Variants in NDRG1 observed in about 807,000 individuals in gnomAD.
NDRG1 encodes protein NDRG1.
In NDRG1, 32 loss-of-function variants were observed where a neutral mutation model predicts 56.9. That is an observed-to-expected ratio of 0.56 (90% CI 0.42 to 0.76). The LOEUF (loss-of-function observed/expected upper bound fraction) is 0.76, where lower values mean the gene tolerates loss of function less well. Ranked by LOEUF, NDRG1 falls within the 30% of genes least tolerant of loss-of-function variation. NDRG1 has a pLI of 0.00. For synonymous variants in NDRG1, 211 were observed against 204.1 expected (o/e 1.03, Z -0.29); for missense variants, 507 against 545.7 (o/e 0.93, Z 0.71).
rs566701931 is a variant in NDRG1 at position 133,273,317 on chromosome 8, G to A, written c.99+6915C>T. On this transcript the variant is annotated intron_variant, in intron 3 of 15. Transcript: ENST00000323851. ...CTCGGCCCACGAGGTACAATTTATC[G>A]GTGATGAAGTCAACTCTGCTGTCCC... 5.3e-5 allele frequency among the ~76,000 whole-genome samples: 8 copies of A among 152,312 alleles called. No individual in the cohort carries two copies. In the East Asian group the frequency reaches 9.6e-4, roughly 18 times the overall value.
At chr8:133,263,293 C>A (rs1273124743) in intron 4 of NDRG1, among the ~76,000 whole-genome samples, 1 of 152,178 alleles carries the variant, frequency 6.6e-6, no homozygotes, top group African/African-American at 2.4e-5. Context: ...CATCCCCAGC[C>A]TCAAGGTATT....
Position 133,256,764 on chromosome 8 carries a change from GC to G in NDRG1, c.537+12del. 11 of 1,613,782 alleles carry G rather than the reference GC, an allele frequency of 6.8e-6. No individual in the cohort carries two copies. The highest frequency in any genetic ancestry group is 9.3e-6 in the Non-Finnish European group (11 of 1,179,854). The stretch of plus-strand genomic sequence containing the variant: ...TGCAGGGATCCCGCCGGCCTGACAG[GC>G]CCCCACCTCACCTTGGAGGCGGCCC... On this transcript the variant is annotated intron_variant, in intron 8 of 15. Transcript: ENST00000323851.
chr8:133,279,660 C>G (rs60279367), intron 3 of NDRG1, among the ~76,000 whole-genome samples: 1 of 152,166 alleles, frequency 6.6e-6, no homozygotes, highest in African/African-American at 2.4e-5. Flanking sequence ...GGGACCCACC[C>G]CAGCTTGGGG....
chr8:133,239,312 G>GCAGTTCCTTCCCGCATCT, intron 15 of NDRG1, 193 bp from the exon 16 acceptor site: 2 of 886,332 alleles, frequency 2.3e-6, no homozygotes, highest in Non-Finnish European at 1.7e-6. Flanking sequence ...CCCAGATGCG[G>GCAGTTCCTTCCCGCATCT]GAAGGAACTG....
intron 3 of NDRG1, among the ~76,000 whole-genome samples, chr8:133,276,260 TTGCC>T (rs1395944240): frequency 6.6e-6 from 1 of 152,210 alleles, no homozygotes; most frequent in Non-Finnish European, 1.5e-5. Flanking sequence ...AGTAGGTCAG[TTGCC>T]TGTGTCCTGA....
rs6980901 is a variant in NDRG1, at chr8:133,279,998, C to T, written c.99+234G>A. 0.28 allele frequency among the ~76,000 whole-genome samples: 42,863 copies of T among 152,068 alleles called. 6,915 individuals carry two copies. Among genetic ancestry groups the T allele is most frequent in the African/African-American group, 0.41 (17,112 of 41,428 alleles). ...GCCAGCTCTTTGGGACTGAAACAGG[C>T]GGTGTCTCTGTCCTGCTTTCGTGGG... On this transcript the variant is annotated intron_variant, in intron 3 of 15. Coordinates refer to ENST00000323851, the MANE Select transcript of NDRG1 (RefSeq NM_006096.4).
chr8:133,294,660 G>A (rs1054305133), intron 1 of NDRG1, among the ~76,000 whole-genome samples: 2 of 133,988 alleles, frequency 1.5e-5, no homozygotes, highest in Admixed American at 7.0e-5. Flanking sequence ...GTTGAGATCT[G>A]TCTTCTGTCA....
Position 133,242,006 on chromosome 8 carries a change from G to C in NDRG1, c.943+17C>G. On this transcript the variant is annotated intron_variant, in intron 15 of 15. Transcript: ENST00000323851. ...CACATGCCCCGACCCACTGCACACG[G>C]GGAATGCCATACTCACTGTATCCCA... 6.2e-7 allele frequency: 1 copy of C among 1,614,152 alleles called. No homozygotes were observed. The highest frequency in any genetic ancestry group is 1.1e-5 in the South Asian group (1 of 91,076).
At chr8:133,256,230 T>G (rs1856362903) in intron 8 of NDRG1, 1 of 157,318 alleles carries the variant, frequency 6.4e-6, no homozygotes, top group Non-Finnish European at 1.4e-5. Context: ...CTATGAAGAT[T>G]AACTGAGATC....
intron 9 of NDRG1, among the ~76,000 whole-genome samples, chr8:133,251,963 A>G (rs1309347479): frequency 1.3e-5 from 2 of 152,212 alleles, no homozygotes; most frequent in African/African-American, 4.8e-5. Flanking sequence ...TAGCCAAGGA[A>G]TGCCGACAGC....
At chr8:133,245,747 T>C (rs1187096871) in intron 13 of NDRG1, among the ~76,000 whole-genome samples, 1 of 152,194 alleles carries the variant, frequency 6.6e-6, no homozygotes, top group African/African-American at 2.4e-5. Context: ...GTGATACTTG[T>C]GACAACCGCC....
intron 1 of NDRG1, chr8:133,284,823 G>A (rs570236343): frequency 2.4e-5 from 11 of 456,828 alleles, no homozygotes; most frequent in East Asian, 6.9e-5. Flanking sequence ...TGATGCAGAC[G>A]CACAGACACA....
At position 133,257,316 on chromosome 8, in the gene NDRG1, C is replaced by CACACACACAG. The variant is rs756183850; in HGVS notation, c.451-454_451-453insCTGTGTGTGT. Among the ~76,000 whole-genome samples, 1,055 of 129,676 alleles carry CACACACACAG rather than the reference C, an allele frequency of 8.1e-3. 10 individuals are homozygous for CACACACACAG. The highest frequency in any genetic ancestry group is 0.015 in the African/African-American group (562 of 36,534). 85.1% of individuals were successfully genotyped at this position (129,676 alleles called of 152,430 possible). On this transcript the variant is annotated intron_variant, in intron 7 of 15. Coordinates refer to ENST00000323851, the MANE Select transcript of NDRG1 (RefSeq NM_006096.4). ...ACACACACACACACACACACACACA[C>CACACACACAG]AGAGAGAGAGACAGAGTTATGCATC...
At chr8:133,264,492 T>C (rs960886100) in intron 4 of NDRG1, 55 bp downstream of exon 4, 188 of 1,550,568 alleles carry the variant, frequency 1.2e-4, no homozygotes, top group Non-Finnish European at 1.6e-4. Flanking sequence ...GCTGCCTTTT[T>C]CCGCCACTCT....
intron 3 of NDRG1, among the ~76,000 whole-genome samples, chr8:133,270,815 G>T (rs922322120): frequency 6.6e-6 from 1 of 152,164 alleles, no homozygotes; most frequent in African/African-American, 2.4e-5. Context: ...TTATCCTAAT[G>T]ATATAACCAC....
intron 3 of NDRG1, among the ~76,000 whole-genome samples, chr8:133,271,284 T>C (rs1857173560): frequency 6.6e-6 from 1 of 152,154 alleles, no homozygotes; most frequent in Non-Finnish European, 1.5e-5. Context: ...TACGGTGCCC[T>C]CTGGAACAGC....
intron 6 of NDRG1, chr8:133,258,889 G>A: frequency 1.8e-6 from 1 of 549,672 alleles, no homozygotes; most frequent in South Asian, 2.1e-5. Context: ...GGAAAGAGAA[G>A]GGAATGGAAG....
intron 3 of NDRG1, among the ~76,000 whole-genome samples, chr8:133,277,336 G>T (rs1022862111): frequency 6.6e-6 from 1 of 152,144 alleles, no homozygotes; most frequent in Non-Finnish European, 1.5e-5. Flanking sequence ...GGCTGAGGCA[G>T]GTAGATCACT....
intron 1 of NDRG1, among the ~76,000 whole-genome samples, chr8:133,294,125 T>A (rs1251585341): frequency 6.6e-6 from 1 of 152,188 alleles, no homozygotes; most frequent in Non-Finnish European, 1.5e-5. Context: ...GGCATGGAGC[T>A]CCTGACTGCC....
Sources: gnomAD v4.1 joint callset for allele counts (sites outside exome capture counted in the v4.1 genomes callset) on GRCh38, gnomAD v4.1.1 for gene constraint, MANE v1.5 for transcripts, NCBI Gene and HGNC (gene_info 2026-07-23, HGNC 2026-07-21) for gene names.